Variants in CSMD1 observed in about 807,000 individuals in gnomAD.
CSMD1 encodes the protein CUB and Sushi multiple domains 1, also known as CUB and sushi domain-containing protein 1.
Under a neutral mutation model 417.5 loss-of-function variants are expected in CSMD1, and 213 were observed. That is an observed-to-expected ratio of 0.51 (90% CI 0.46 to 0.57). The LOEUF (loss-of-function observed/expected upper bound fraction) is 0.57. Among genes scored for constraint, CSMD1 ranks in the 20% least tolerant of loss-of-function variants. CSMD1 has a pLI of 0.00. For missense variants in CSMD1, 6,923 were observed against 4,529.7 expected (o/e 1.53, Z -15.17); for synonymous variants, 2,862 against 1,736.8 (o/e 1.65, Z -16.11).
At chr8:3,229,065 T>G (rs1055536224) in intron 27 of CSMD1, among the ~76,000 whole-genome samples, 1 of 152,000 alleles carries the variant, frequency 6.6e-6, no homozygotes, top group Non-Finnish European at 1.5e-5. Context: ...GGATAAGTGG[T>G]TTGTCATAAG....
chr8:4,241,897 T>C (rs1255899407), intron 3 of CSMD1, among the ~76,000 whole-genome samples: 2 of 152,128 alleles, frequency 1.3e-5, no homozygotes, highest in African/African-American at 4.8e-5. Flanking sequence ...ATGCAAGGCA[T>C]AAAGACAACA....
At chr8:3,605,785 ACTCTTTC>A (rs1801583286) in intron 8 of CSMD1, among the ~76,000 whole-genome samples, 1 of 152,120 alleles carries the variant, frequency 6.6e-6, no homozygotes, top group Non-Finnish European at 1.5e-5. Context: ...CATAAATAGC[ACTCTTTC>A]AACCCCCAAA....
intron 26 of CSMD1, among the ~76,000 whole-genome samples, chr8:3,235,467 T>C (rs1340279603): frequency 6.6e-6 from 1 of 152,156 alleles, no homozygotes; most frequent in Non-Finnish European, 1.5e-5. Context: ...GTTAATAGGA[T>C]CTGGTCAAAT....
intron 1 of CSMD1, among the ~76,000 whole-genome samples, chr8:4,745,808 T>G (rs933924566): frequency 1.3e-5 from 2 of 152,136 alleles, no homozygotes; most frequent in African/African-American, 4.8e-5. Context: ...AGTGAGATGC[T>G]AGTACAAATG....
intron 12 of CSMD1, among the ~76,000 whole-genome samples, chr8:3,448,308 GAA>G: frequency 1.2e-5 from 1 of 84,254 alleles, no homozygotes. Context: ...TGGTGGGAAG[GAA>G]GGAAGGAAGG....
intron 54 of CSMD1, among the ~76,000 whole-genome samples, chr8:2,984,183 A>C (rs1003458527): frequency 9.9e-5 from 15 of 152,136 alleles, no homozygotes; most frequent in African/African-American, 2.9e-4. Flanking sequence ...CGCTGCCTCA[A>C]ATCGGATTCA....
chr8:3,191,746 G>C (rs1291532028), intron 33 of CSMD1, among the ~76,000 whole-genome samples: 1 of 152,114 alleles, frequency 6.6e-6, no homozygotes, highest in African/African-American at 2.4e-5. Flanking sequence ...TACTTCAATT[G>C]GCAAAGAGGT....
chr8:3,025,175 T>G (rs1809770822), intron 51 of CSMD1, among the ~76,000 whole-genome samples: 1 of 147,356 alleles, frequency 6.8e-6, no homozygotes, highest in Non-Finnish European at 1.5e-5. Flanking sequence ...GTGGTGTTAT[T>G]CTGATACCGT....
intron 5 of CSMD1, among the ~76,000 whole-genome samples, chr8:3,948,824 C>T (rs1276607079): frequency 7.9e-6 from 1 of 126,690 alleles, no homozygotes; most frequent in Admixed American, 7.9e-5. Context: ...TTTGAAGAGA[C>T]ATTTTTATTT....
intron 6 of CSMD1, among the ~76,000 whole-genome samples, chr8:3,714,079 T>C (rs918567855): frequency 6.8e-6 from 1 of 146,324 alleles, no homozygotes; most frequent in South Asian, 2.1e-4. Flanking sequence ...TACACACATA[T>C]GTATATAATC....
intron 1 of CSMD1, among the ~76,000 whole-genome samples, chr8:4,752,719 C>A (rs1274476559): frequency 6.6e-6 from 1 of 152,046 alleles, no homozygotes; most frequent in East Asian, 1.9e-4. Context: ...ACCTTTGGGG[C>A]AACGAAAAAG....
At chr8:4,387,802 T>C (rs1037686209) in intron 3 of CSMD1, among the ~76,000 whole-genome samples, 1 of 152,142 alleles carries the variant, frequency 6.6e-6, no homozygotes, top group Admixed American at 6.5e-5. Flanking sequence ...ATTTTGAATA[T>C]GCACTTCAAA....
At position 4,758,248 on chromosome 8, in the gene CSMD1, G is replaced by A. The variant is rs535853530; in HGVS notation, c.86-120690C>T. On this transcript the variant is annotated intron_variant, in intron 1 of 69. Coordinates refer to ENST00000635120, the MANE Select transcript of CSMD1 (RefSeq NM_033225.6). Reference sequence around the variant, plus strand: ...TATCTGGGTAAGGAGGAAGCCCACCGACTATAATGAAGGATTTATATTTCA... The same window carrying A: ...TATCTGGGTAAGGAGGAAGCCCACCAACTATAATGAAGGATTTATATTTCA... Among the ~76,000 whole-genome samples, 10 of 152,132 alleles carry A rather than the reference G, an allele frequency of 6.6e-5. No homozygotes were observed. In the South Asian group the frequency reaches 1.2e-3, roughly 19 times the overall value.
intron 21 of CSMD1, among the ~76,000 whole-genome samples, chr8:3,353,716 A>T (rs1046490283): frequency 4.6e-5 from 7 of 152,098 alleles, no homozygotes; most frequent in Non-Finnish European, 1.0e-4. Context: ...GTTTCATTTT[A>T]AAAAAGTTTT....
chr8:4,009,970 C>T (rs1408868322), intron 4 of CSMD1, among the ~76,000 whole-genome samples: 4 of 152,168 alleles, frequency 2.6e-5, no homozygotes, highest in African/African-American at 9.7e-5. Context: ...AAAAGATCTA[C>T]ACATCTTATT....
chr8:3,039,088 G>A (rs914042773), intron 50 of CSMD1, among the ~76,000 whole-genome samples: 10 of 152,156 alleles, frequency 6.6e-5, no homozygotes, highest in African/African-American at 2.4e-4. Flanking sequence ...GGAGCAAAGG[G>A]TACTTAGAGA....
chr8:4,303,538 G>A (rs1191035340), intron 3 of CSMD1, among the ~76,000 whole-genome samples: 2 of 144,194 alleles, frequency 1.4e-5, no homozygotes, highest in Non-Finnish European at 1.5e-5. Context: ...TCTGTAAAAG[G>A]AAAATAAATT....
chr8:4,715,536 G>A (rs143272104), intron 1 of CSMD1, among the ~76,000 whole-genome samples: 1 of 151,920 alleles, frequency 6.6e-6, no homozygotes, highest in South Asian at 2.1e-4. Flanking sequence ...CCTTTTAATT[G>A]CACGTATATA....
intron 2 of CSMD1, among the ~76,000 whole-genome samples, chr8:4,452,394 G>T (rs533565095): frequency 6.6e-6 from 1 of 152,168 alleles, no homozygotes; most frequent in Non-Finnish European, 1.5e-5. Context: ...TCGAGGGCTT[G>T]GGGTTCAGAG....
Sources: gnomAD v4.1 joint callset for allele counts (sites outside exome capture counted in the v4.1 genomes callset) on GRCh38, gnomAD v4.1.1 for gene constraint, MANE v1.5 for transcripts, NCBI Gene and HGNC (gene_info 2026-07-23, HGNC 2026-07-21) for gene names.